The following LRRC37A2 variants were observed in gnomAD, a reference collection of about 807,000 sequenced individuals.
The protein encoded by LRRC37A2 is leucine-rich repeat-containing protein 37A2.
Under a neutral mutation model 68.8 loss-of-function variants are expected in LRRC37A2, and 9 were observed. The ratio of observed to expected loss-of-function variants is 0.13; its 90% CI spans 0.08 to 0.23. The LOEUF (loss-of-function observed/expected upper bound fraction) is 0.23, where lower values mean the gene tolerates loss of function less well. Among genes scored for constraint, LRRC37A2 ranks in the 10% least tolerant of loss-of-function variants. The pLI is 1.00. For missense variants in LRRC37A2, 168 were observed against 950.4 expected, an observed-to-expected ratio of 0.18 and a Z score of 10.82; for synonymous variants, 63 against 367.6, an observed-to-expected ratio of 0.17 and a Z score of 9.48.
chr17:46,761,535 A>G, the LRRC37A2 span, among the ~76,000 whole-genome samples: 1 of 151,718 alleles, frequency 6.6e-6, no homozygotes, highest in Non-Finnish European at 1.5e-5. Flanking sequence ...GGCTTTCACC[A>G]TGTTGGCCAA....
the LRRC37A2 span, among the ~76,000 whole-genome samples, chr17:46,959,440 C>T: frequency 6.6e-6 from 1 of 152,112 alleles, no homozygotes; most frequent in Non-Finnish European, 1.5e-5. Context: ...TGCCTTAAAT[C>T]GCTTGAGAAA....
At chr17:46,496,607 G>GGAAAA in the LRRC37A2 span, among the ~76,000 whole-genome samples, 2 of 44,286 alleles carry the variant, frequency 4.5e-5, no homozygotes, top group East Asian at 5.5e-4. Flanking sequence ...CATCTCAAAA[G>GGAAAA]AAAAAAAAAA....
chr17:46,852,125 G>C, the LRRC37A2 span, among the ~76,000 whole-genome samples: 1 of 152,240 alleles, frequency 6.6e-6, no homozygotes, highest in Non-Finnish European at 1.5e-5. Flanking sequence ...CCGGCGAGCC[G>C]TCCTTGCCTC....
chr17:46,899,610 A>T, the LRRC37A2 span, among the ~76,000 whole-genome samples: 1 of 152,164 alleles, frequency 6.6e-6, no homozygotes. Flanking sequence ...CCTAGGACTA[A>T]GGGGAGGAGG....
the LRRC37A2 span, among the ~76,000 whole-genome samples, chr17:46,895,139 C>A: frequency 1.3e-5 from 2 of 152,342 alleles, no homozygotes; most frequent in Admixed American, 1.3e-4. Context: ...CAGCGCCCGG[C>A]TGAGAGGACA....
chr17:46,534,734 G>T (rs1243075606), intron 6 of LRRC37A2, among the ~76,000 whole-genome samples: 2 of 149,984 alleles, frequency 1.3e-5, no homozygotes, highest in African/African-American at 5.0e-5. Context: ...CGGGGTGGCG[G>T]CCGGGCAGAG....
chr17:46,756,913 G>C, the LRRC37A2 span: 3 of 152,528 alleles, frequency 2.0e-5, no homozygotes, highest in Non-Finnish European at 4.4e-5. Flanking sequence ...TCCTTTTGAG[G>C]GTGATTTGTC....
the LRRC37A2 span, among the ~76,000 whole-genome samples, chr17:46,999,887 T>G: frequency 6.7e-6 from 1 of 150,222 alleles, no homozygotes; most frequent in Non-Finnish European, 1.5e-5. Context: ...TAATCCCAGC[T>G]ACTCAGGAGG....
At chr17:46,522,677 C>T (rs1302889685) in intron 4 of LRRC37A2, among the ~76,000 whole-genome samples, 1 of 50,412 alleles carries the variant, frequency 2.0e-5, no homozygotes, top group Admixed American at 1.6e-4. Flanking sequence ...ATATCCTGAC[C>T]TCAGGATCTG....
chr17:46,869,891 C>T, the LRRC37A2 span, among the ~76,000 whole-genome samples: 4 of 151,624 alleles, frequency 2.6e-5, no homozygotes, highest in South Asian at 2.1e-4. Context: ...CCCAGCTACT[C>T]GGGAGGCTGA....
the LRRC37A2 span, chr17:46,764,550 G>C: frequency 1.3e-5 from 2 of 152,244 alleles, no homozygotes; most frequent in Non-Finnish European, 1.5e-5. Context: ...GGCTGTGCCC[G>C]GCTCTAGGTC....
At chr17:46,779,473 C>T in the LRRC37A2 span, among the ~76,000 whole-genome samples, 2 of 152,116 alleles carry the variant, frequency 1.3e-5, no homozygotes, top group South Asian at 2.1e-4. Context: ...CTCCTGAAGC[C>T]GGCTCATCCT....
chr17:46,978,020 T>A, the LRRC37A2 span: 1 of 152,454 alleles, frequency 6.6e-6, no homozygotes, highest in South Asian at 2.1e-4. Context: ...AGCCCCAGGA[T>A]CCTTGACCTG....
the LRRC37A2 span, among the ~76,000 whole-genome samples, chr17:46,735,569 T>C: frequency 6.6e-6 from 1 of 152,092 alleles, no homozygotes; most frequent in Non-Finnish European, 1.5e-5. Context: ...ATCTGTAAAA[T>C]AGAGATAATT....
the LRRC37A2 span, among the ~76,000 whole-genome samples, chr17:46,688,280 G>A: frequency 6.6e-6 from 1 of 151,084 alleles, no homozygotes; most frequent in African/African-American, 2.5e-5. Context: ...GGAAGCCAAG[G>A]TGGGAGGATC....
At chr17:46,770,194 T>TC in the LRRC37A2 span, 5 of 1,137,658 alleles carry the variant, frequency 4.4e-6, no homozygotes, top group Non-Finnish European at 6.0e-6. Flanking sequence ...GGAGGCAGCT[T>TC]CCCCACCCTC....
the LRRC37A2 span, chr17:46,979,053 G>T: frequency 7.5e-7 from 1 of 1,338,834 alleles, no homozygotes; most frequent in South Asian, 2.0e-5. Context: ...CGGGTGCACT[G>T]GGCTGCTCGC....
the LRRC37A2 span, among the ~76,000 whole-genome samples, chr17:46,684,919 A>G: frequency 9.9e-6 from 1 of 100,708 alleles, no homozygotes; most frequent in Middle Eastern, 3.6e-3. Context: ...AAATAGCATA[A>G]TGTGTCTTAG....
chr17:46,935,364 A>T, the LRRC37A2 span: 5 of 1,450,022 alleles, frequency 3.4e-6, no homozygotes, highest in South Asian at 7.5e-5. Flanking sequence ...TTCCTTTGCC[A>T]GTGCTTGAAA....
Sources: allele counts gnomAD v4.1 joint callset (sites outside exome capture counted in the v4.1 genomes callset), GRCh38; gene constraint gnomAD v4.1.1; transcripts MANE v1.5; gene names NCBI Gene and HGNC (gene_info 2026-07-23, HGNC 2026-07-21).